Variants in GSE1 observed in about 807,000 individuals in gnomAD.
The protein encoded by GSE1 is genetic suppressor element 1.
In GSE1, 32 loss-of-function variants were observed where a neutral mutation model predicts 112.6. That is an observed-to-expected ratio of 0.28 (90% CI 0.21 to 0.38). The LOEUF (loss-of-function observed/expected upper bound fraction) is 0.38. Ranked by LOEUF, GSE1 falls within the 10% of genes least tolerant of loss-of-function variation. The pLI, the probability that GSE1 is intolerant of heterozygous loss-of-function variation, is 1.00. For missense variants in GSE1, 2,348 were observed against 1,699.2 expected, an observed-to-expected ratio of 1.38 and a Z score of -6.71; for synonymous variants, 1,115 against 735.6, an observed-to-expected ratio of 1.52 and a Z score of -8.35.
intron 1 of GSE1, among the ~76,000 whole-genome samples, chr16:85,591,633 T>A (rs1598304207): frequency 6.6e-6 from 1 of 152,078 alleles, no homozygotes; most frequent in Non-Finnish European, 1.5e-5. Flanking sequence ...GGGCTGGGGG[T>A]GCTGGGGGCT....
intron 2 of GSE1, among the ~76,000 whole-genome samples, chr16:85,466,088 A>G (rs1490879321): frequency 6.6e-6 from 1 of 152,176 alleles, no homozygotes; most frequent in African/African-American, 2.4e-5. Flanking sequence ...TTCACATCTC[A>G]GTGACAGCAG....
intron 1 of GSE1, chr16:85,594,847 C>G (rs2047154644): frequency 1.3e-5 from 2 of 152,432 alleles, no homozygotes; most frequent in African/African-American, 4.8e-5. Flanking sequence ...GGGGAGGGCG[C>G]CAGCGCCGCT....
intron 1 of GSE1, among the ~76,000 whole-genome samples, chr16:85,242,555 C>T (rs1325273815): frequency 6.6e-6 from 1 of 152,238 alleles, no homozygotes; most frequent in Non-Finnish European, 1.5e-5. Context: ...CAGCGCTTTA[C>T]AGATGGGTGC....
intron 1 of GSE1, among the ~76,000 whole-genome samples, chr16:85,269,167 A>T (rs532931711): frequency 6.7e-6 from 1 of 149,376 alleles, no homozygotes; most frequent in African/African-American, 2.4e-5. Context: ...TTACCATGCC[A>T]TCTAATATGG....
chr16:85,235,748 C>T (rs2143877463), intron 1 of GSE1, among the ~76,000 whole-genome samples: 1 of 151,752 alleles, frequency 6.6e-6, no homozygotes, highest in African/African-American at 2.4e-5. Flanking sequence ...GGTGGGGGGC[C>T]CGCCCGCCCC....
At chr16:85,644,538 G>A (rs1238005907) in intron 2 of GSE1, among the ~76,000 whole-genome samples, 4 of 152,114 alleles carry the variant, frequency 2.6e-5, no homozygotes, top group Admixed American at 6.5e-5. Flanking sequence ...GTGAAGACAC[G>A]GCTCCCAGTG....
rs76284794 is a variant in GSE1 at position 85,269,447 on chromosome 16, A to T, written c.2284-88016A>T. Among the ~76,000 whole-genome samples the T allele has an allele frequency of 6.2e-5, 9 of 146,190 alleles. 1 individual carries two copies. The highest frequency in any genetic ancestry group is 1.4e-4 in the Non-Finnish European group (9 of 64,620). The stretch of plus-strand genomic sequence containing the variant: ...GTTAGCATGAGTGTGTGGGTGTGTG[A>T]GTGTGTGTGTGTGTGTGTGTGAGTG... On this transcript the variant is annotated intron_variant, in intron 1 of 2. Coordinates refer to the GSE1 transcript ENST00000637419.
At chr16:85,336,969 C>G (rs191519483) in intron 1 of GSE1, among the ~76,000 whole-genome samples, 1 of 149,688 alleles carries the variant, frequency 6.7e-6, no homozygotes, top group Non-Finnish European at 1.5e-5. Flanking sequence ...CACATAGGCA[C>G]ACATATACAT....
Position 85,241,600 on chromosome 16 carries a change from G to A in GSE1, c.2283+69793G>A, listed in dbSNP as rs968468756. Among the ~76,000 whole-genome samples, 7 of 152,182 alleles carry A rather than the reference G, an allele frequency of 4.6e-5. No homozygotes were observed. The East Asian group carries it at 1.2e-3, about 25-fold the overall frequency. On this transcript the variant is annotated intron_variant, in intron 1 of 2. Coordinates refer to the GSE1 transcript ENST00000637419. ...TAAACTCTGTCAATTACCCGGTGTG[G>A]TCTCCCAGTGCCTGGATTTAGGAAT...
chr16:85,357,477 T>C, exon 2 of GSE1: 1 of 1,235,160 alleles, frequency 8.1e-7, no homozygotes, highest in Admixed American at 2.8e-5. Context: ...TTTGTGGATC[T>C]CTGGAAGCAT....
intron 2 of GSE1, among the ~76,000 whole-genome samples, chr16:85,541,599 C>G (rs1227694610): frequency 6.6e-6 from 1 of 152,248 alleles, no homozygotes; most frequent in Non-Finnish European, 1.5e-5. Flanking sequence ...GGGCACATCA[C>G]AGAGGGTTCG....
intron 2 of GSE1, among the ~76,000 whole-genome samples, chr16:85,460,630 C>T (rs2049944235): frequency 6.6e-6 from 1 of 152,348 alleles, no homozygotes; most frequent in African/African-American, 2.4e-5. Context: ...TGGGCAAGAG[C>T]CGGCAGTGAC....
chr16:85,396,110 G>C (rs1042194833), intron 2 of GSE1, among the ~76,000 whole-genome samples: 2 of 152,232 alleles, frequency 1.3e-5, no homozygotes, highest in Admixed American at 6.5e-5. Context: ...GCCTCAGTCT[G>C]TCCACTTCAT....
At chr16:85,474,189 G>A (rs754071774) in intron 2 of GSE1, among the ~76,000 whole-genome samples, 7 of 152,090 alleles carry the variant, frequency 4.6e-5, no homozygotes, top group Non-Finnish European at 1.0e-4. Context: ...GCCAGGCCAG[G>A]CCAGGGACCT....
rs562122589 is a variant in GSE1 at position 85,674,823 on chromosome 16, G to A, written c.*2284G>A. 1 of 152,714 alleles carries A rather than the reference G, an allele frequency of 6.5e-6. No homozygotes were observed. The highest frequency in any genetic ancestry group is 1.9e-4 in the East Asian group (1 of 5,178). 9.5% of individuals were successfully genotyped at this position (152,714 alleles called of 1,614,324 possible). On this transcript the variant is annotated 3_prime_UTR_variant, in exon 16 of 16. Transcript: ENST00000253458. ...GCAATAGTTGGCTTCTCCCCTGTCAGTGGAAACCCCACTTCTGCCCGGCCC... is the reference window on the plus strand; with the variant it reads ...GCAATAGTTGGCTTCTCCCCTGTCAATGGAAACCCCACTTCTGCCCGGCCC...
intron 2 of GSE1, among the ~76,000 whole-genome samples, chr16:85,637,697 G>T (rs910608102): frequency 1.3e-5 from 2 of 151,646 alleles, no homozygotes; most frequent in Non-Finnish European, 2.9e-5. Context: ...TCCCCAGCTT[G>T]TGCCTGAGAC....
intron 1 of GSE1, among the ~76,000 whole-genome samples, chr16:85,334,335 A>T (rs2046437945): frequency 6.6e-6 from 1 of 152,316 alleles, no homozygotes; most frequent in Admixed American, 6.5e-5. Flanking sequence ...TCCACGCCTC[A>T]CAGCATTTCT....
intron 2 of GSE1, among the ~76,000 whole-genome samples, chr16:85,489,354 C>T (rs145609310): frequency 2.2e-3 from 337 of 152,164 alleles, no homozygotes; most frequent in Admixed American, 4.3e-3. Flanking sequence ...TGGCCCCTGC[C>T]TGTCAGTGGG....
intron 1 of GSE1, among the ~76,000 whole-genome samples, chr16:85,293,772 C>T (rs1446538195): frequency 3.3e-5 from 5 of 152,150 alleles, no homozygotes; most frequent in Non-Finnish European, 5.9e-5. Flanking sequence ...TGAACTTCAT[C>T]GCTGTGATCG....
Sources: allele counts gnomAD v4.1 joint callset (sites outside exome capture counted in the v4.1 genomes callset), GRCh38; gene constraint gnomAD v4.1.1; transcripts MANE v1.5; gene names NCBI Gene and HGNC (gene_info 2026-07-23, HGNC 2026-07-21).